LOXL2: variants seen among roughly 807,000 people sequenced by gnomAD.
LOXL2 encodes the protein lysyl oxidase homolog 2.
In LOXL2, 70 loss-of-function variants were observed where a neutral mutation model predicts 93.0. The ratio of observed to expected loss-of-function variants is 0.75; its 90% CI spans 0.62 to 0.92. The LOEUF is 0.92. Among genes scored for constraint, LOXL2 ranks in the 40% least tolerant of loss-of-function variants. LOXL2 has a pLI of 0.00. For missense variants in LOXL2, 973 were observed against 1,054.9 expected (o/e 0.92, Z 1.08); for synonymous variants, 438 against 413.2 (o/e 1.06, Z -0.73).
chr8:23,402,812 T>G (rs1410113012), intron 1 of LOXL2: 1 of 152,008 alleles, frequency 6.6e-6, no homozygotes, highest in Admixed American at 6.6e-5. Flanking sequence ...TTGAGATCTC[T>G]GCAGTTTCAA....
At chr8:23,372,954 C>T (rs1804522254) in intron 1 of LOXL2, among the ~76,000 whole-genome samples, 1 of 152,120 alleles carries the variant, frequency 6.6e-6, no homozygotes, top group African/African-American at 2.4e-5. Context: ...TCCAGGGACA[C>T]ATGGAACATA....
chr8:23,370,120 C>T (rs1027550715), intron 1 of LOXL2, among the ~76,000 whole-genome samples: 18 of 152,146 alleles, frequency 1.2e-4, no homozygotes, highest in Middle Eastern at 3.2e-3. Flanking sequence ...CACGTGCCTA[C>T]CTTCCCTGCT....
intron 1 of LOXL2, among the ~76,000 whole-genome samples, chr8:23,377,407 G>A (rs1367596927): frequency 6.6e-6 from 1 of 151,260 alleles, no homozygotes; most frequent in Non-Finnish European, 1.5e-5. Flanking sequence ...TGAGAAGAAT[G>A]TATATTCTGT....
At chr8:23,373,803 T>G (rs956709838) in intron 1 of LOXL2, among the ~76,000 whole-genome samples, 1 of 151,846 alleles carries the variant, frequency 6.6e-6, no homozygotes, top group African/African-American at 2.4e-5. Flanking sequence ...CTGGGCTCTG[T>G]CCCCCACCGC....
chr8:23,392,044 C>T (rs925751914), intron 1 of LOXL2, among the ~76,000 whole-genome samples: 18 of 152,192 alleles, frequency 1.2e-4, no homozygotes, highest in African/African-American at 4.1e-4. Flanking sequence ...GTATACCTTT[C>T]GCATCTCCAG....
At chr8:23,378,663 T>G (rs1166893457) in intron 1 of LOXL2, among the ~76,000 whole-genome samples, 1 of 152,234 alleles carries the variant, frequency 6.6e-6, no homozygotes, top group African/African-American at 2.4e-5. Context: ...TTCTCTAAAC[T>G]TCTCTTCTCG....
intron 2 of LOXL2, 91 bp downstream of exon 2, chr8:23,367,906 G>A (rs944545694): frequency 9.7e-6 from 10 of 1,027,060 alleles, no homozygotes; most frequent in South Asian, 4.5e-5. Context: ...TTCGCAGTGC[G>A]TGCAGCCTCC....
chr8:23,348,897 AC>A (rs1414341422), intron 3 of LOXL2, among the ~76,000 whole-genome samples: 2 of 151,952 alleles, frequency 1.3e-5, no homozygotes, highest in African/African-American at 4.8e-5. Flanking sequence ...AAACAAACAA[AC>A]AAAAAAACAA....
chr8:23,384,642 TG>T (rs1804731127), intron 1 of LOXL2, among the ~76,000 whole-genome samples: 1 of 151,920 alleles, frequency 6.6e-6, no homozygotes, highest in Non-Finnish European at 1.5e-5. Flanking sequence ...CGGCCGGGCG[TG>T]GTAGTTCATG....
intron 2 of LOXL2, among the ~76,000 whole-genome samples, chr8:23,361,844 C>CAAAACAAAAA: frequency 9.9e-6 from 1 of 101,200 alleles, no homozygotes; most frequent in African/African-American, 4.2e-5. Flanking sequence ...GTCTCAAAAA[C>CAAAACAAAAA]AAAACAAAAC....
chr8:23,339,233 A>C (rs1180951716), intron 4 of LOXL2, among the ~76,000 whole-genome samples: 1 of 152,178 alleles, frequency 6.6e-6, no homozygotes, highest in African/African-American at 2.4e-5. Flanking sequence ...CTCTGCTAGG[A>C]AGGCAGCCCC....
chr8:23,340,142 C>T (rs1803857896), intron 4 of LOXL2, among the ~76,000 whole-genome samples: 1 of 152,202 alleles, frequency 6.6e-6, no homozygotes, highest in South Asian at 2.1e-4. Flanking sequence ...AGGCCTGGAT[C>T]TGCCCCTTCC....
chr8:23,310,880 T>C (rs1190095901), intron 9 of LOXL2, among the ~76,000 whole-genome samples: 4 of 152,232 alleles, frequency 2.6e-5, no homozygotes, highest in Non-Finnish European at 4.4e-5. Flanking sequence ...TACTAAACAA[T>C]TGTATTAGAA....
At chr8:23,303,193 G>A (rs1226155449) in intron 11 of LOXL2, 89 bp downstream of exon 11, 2 of 823,144 alleles carry the variant, frequency 2.4e-6, no homozygotes, top group Admixed American at 3.6e-5. Context: ...CAGGGTCAGT[G>A]CCAGGCCTGG....
At chr8:23,336,113 C>CGG (rs972466970) in intron 4 of LOXL2, 2 of 152,272 alleles carry the variant, frequency 1.3e-5, no homozygotes, top group African/African-American at 4.8e-5. Context: ...AGAAGATACT[C>CGG]GGGGGAACAC....
chr8:23,309,852 G>A lies in LOXL2; in HGVS notation c.1696C>T (p.Arg566Trp), dbSNP rs766054276. 8.2e-6 allele frequency: 13 copies of A among 1,588,062 alleles called. No homozygotes were observed. In the Admixed American group the frequency reaches 1.6e-4, roughly 19 times the overall value. The change falls in exon 10 of 14, where the codon CGG (arginine) becomes TGG (tryptophan). Residue 566 changes from arginine to tryptophan, a missense_variant. By Grantham distance (101) the Arg-to-Trp change is moderately radical. Transcript: ENST00000389131. ...GCACACTGCAGCATGAACATGGGCC[G>A]GTCCTCCAGGTAGGTGGTCTGCTGC... ...MVQQTTYLED[R>W]PMFMLQCAME...
intron 8 of LOXL2, 107 bp downstream of exon 8, chr8:23,319,778 C>T (rs1324822874): frequency 7.8e-7 from 1 of 1,285,044 alleles, no homozygotes; most frequent in Admixed American, 1.9e-5. Context: ...TTGCTCTGTC[C>T]TGCCTGCACG....
chr8:23,307,532 G>A (rs1369205545), intron 10 of LOXL2, among the ~76,000 whole-genome samples: 2 of 152,204 alleles, frequency 1.3e-5, no homozygotes, highest in Admixed American at 6.5e-5. Flanking sequence ...ATGTCACCAT[G>A]TGCCTATTCT....
chr8:23,328,384 T>C lies in LOXL2; in HGVS notation c.1148A>G (p.Gln383Arg). Residue 383 changes from glutamine (Q) to arginine (R), a missense_variant and splice_region_variant, in exon 6 of 14, where the codon CAA becomes CGA. Gln to Arg is a conservative substitution (Grantham distance 43). Transcript: ENST00000389131. ...KEAVTGSRLG[Q>R]GIGPIHLNEI... ...CCTCTAGCCTCCCCATTCCTTACCT[T>C]GCCCCAGTCGGGAGCCAGTGACTGC... The C allele has an allele frequency of 6.2e-7, 1 of 1,613,826 alleles. No homozygotes were observed. Among genetic ancestry groups the C allele is most frequent in the Non-Finnish European group, 8.5e-7 (1 of 1,179,972 alleles).
Sources: gnomAD v4.1 joint callset for allele counts (sites outside exome capture counted in the v4.1 genomes callset) on GRCh38, gnomAD v4.1.1 for gene constraint, MANE v1.5 for transcripts, NCBI Gene and HGNC (gene_info 2026-07-23, HGNC 2026-07-21) for gene names.